The following PPM1L variants were observed in gnomAD, a reference collection of about 807,000 sequenced individuals.
PPM1L encodes protein phosphatase, Mg2+/Mn2+ dependent 1L, also known as protein phosphatase 1L.
Under a neutral mutation model 31.4 loss-of-function variants are expected in PPM1L, and 13 were observed. That is an observed-to-expected ratio of 0.41 (90% CI 0.27 to 0.66). PPM1L has a LOEUF of 0.66. Among genes scored for constraint, PPM1L ranks in the 30% least tolerant of loss-of-function variants. PPM1L has a pLI of 0.29. For missense variants in PPM1L, 326 were observed against 453.7 expected, an observed-to-expected ratio of 0.72 and a Z score of 2.56; for synonymous variants, 184 against 175.4, an observed-to-expected ratio of 1.05 and a Z score of -0.39.
At chr3:161,068,300 T>C (rs1200149338) in intron 3 of PPM1L, among the ~76,000 whole-genome samples, 4 of 152,232 alleles carry the variant, frequency 2.6e-5, no homozygotes, top group African/African-American at 9.6e-5. Context: ...ATTCAAGTAG[T>C]CTGACCTGAG....
At chr3:161,022,248 CAA>C in intron 2 of PPM1L, 2 of 608,716 alleles carry the variant, frequency 3.3e-6, no homozygotes, top group Non-Finnish European at 5.8e-6. Flanking sequence ...CGATTTTAAA[CAA>C]AGACTTTGCT....
At chr3:160,850,106 G>A (rs1714218631) in intron 1 of PPM1L, among the ~76,000 whole-genome samples, 2 of 152,100 alleles carry the variant, frequency 1.3e-5, no homozygotes, top group African/African-American at 2.4e-5. Flanking sequence ...CCTCACCTAC[G>A]GCTATCAATC....
chr3:160,909,514 T>G (rs1279745082), intron 1 of PPM1L, among the ~76,000 whole-genome samples: 2 of 152,180 alleles, frequency 1.3e-5, no homozygotes, highest in African/African-American at 4.8e-5. Flanking sequence ...GGAAATTTTG[T>G]CTAGAGCTCA....
intron 2 of PPM1L, among the ~76,000 whole-genome samples, chr3:161,006,226 T>C (rs1167860061): frequency 6.6e-6 from 1 of 152,216 alleles, no homozygotes; most frequent in Non-Finnish European, 1.5e-5. Flanking sequence ...TTGAGGACAT[T>C]ATGCTGAGTG....
At chr3:160,955,114 G>A (rs989570794) in intron 1 of PPM1L, among the ~76,000 whole-genome samples, 1 of 151,668 alleles carries the variant, frequency 6.6e-6, no homozygotes, top group African/African-American at 2.4e-5. Context: ...GGGTTCAAGC[G>A]ATTCTCCTGC....
intron 2 of PPM1L, among the ~76,000 whole-genome samples, chr3:161,027,165 G>A (rs1291913512): frequency 6.6e-6 from 1 of 152,198 alleles, no homozygotes. Flanking sequence ...CAGCTACTAG[G>A]AAATTCAAGC....
chr3:160,913,492 C>T lies in PPM1L; in HGVS notation c.400-48244C>T, dbSNP rs138420357. Among the ~76,000 whole-genome samples the T allele has an allele frequency of 2.8e-4, 43 of 152,066 alleles. 1 individual carries two copies. Among genetic ancestry groups the T allele is most frequent in the African/African-American group, 9.6e-4 (40 of 41,472 alleles). ...TAAATGTATATAGCTGTATAAATACCACCACTATCAAGATCTAGACTTCAA... is the reference window on the plus strand; with the variant it reads ...TAAATGTATATAGCTGTATAAATACTACCACTATCAAGATCTAGACTTCAA... On this transcript the variant is annotated intron_variant, in intron 1 of 3. Transcript: ENST00000498165.
intron 1 of PPM1L, among the ~76,000 whole-genome samples, chr3:160,784,048 C>T (rs1034058416): frequency 6.6e-6 from 1 of 152,122 alleles, no homozygotes; most frequent in Non-Finnish European, 1.5e-5. Context: ...ATTGCCAGAA[C>T]CTAATAATGG....
intron 2 of PPM1L, among the ~76,000 whole-genome samples, chr3:160,969,116 C>T (rs1716242921): frequency 6.6e-6 from 1 of 152,178 alleles, no homozygotes; most frequent in South Asian, 2.1e-4. Context: ...CAGTCACATA[C>T]AGCTTTCCCA....
At chr3:160,860,802 C>T (rs2108021473) in intron 1 of PPM1L, among the ~76,000 whole-genome samples, 1 of 152,266 alleles carries the variant, frequency 6.6e-6, no homozygotes, top group South Asian at 2.1e-4. Context: ...TTGCAGGTGG[C>T]TGCCTTCCTG....
chr3:160,902,820 C>T (rs1392770003), intron 1 of PPM1L, among the ~76,000 whole-genome samples: 2 of 152,076 alleles, frequency 1.3e-5, no homozygotes, highest in East Asian at 1.9e-4. Context: ...GCCTTTCTAC[C>T]GTGTCCCTTG....
chr3:161,014,774 T>G (rs1175391386), intron 2 of PPM1L, among the ~76,000 whole-genome samples: 2 of 152,138 alleles, frequency 1.3e-5, no homozygotes, highest in African/African-American at 4.8e-5. Context: ...CTGGCCAGGA[T>G]TTTTAAGTGT....
intron 1 of PPM1L, among the ~76,000 whole-genome samples, chr3:160,951,849 C>T (rs1362557664): frequency 6.6e-6 from 1 of 152,116 alleles, no homozygotes; most frequent in South Asian, 2.1e-4. Context: ...AGTGTTATGC[C>T]CTCTGTGGTA....
chr3:160,782,967 G>A (rs1711791631), intron 1 of PPM1L, among the ~76,000 whole-genome samples: 1 of 152,132 alleles, frequency 6.6e-6, no homozygotes, highest in South Asian at 2.1e-4. Flanking sequence ...GCCTTTCAAA[G>A]TGGTGATTGC....
chr3:160,935,474 G>T (rs1057299707), intron 1 of PPM1L, among the ~76,000 whole-genome samples: 3 of 152,172 alleles, frequency 2.0e-5, no homozygotes, highest in Non-Finnish European at 4.4e-5. Context: ...AAAAAGTAGT[G>T]ATCCATCAGA....
chr3:160,984,990 C>T (rs180800585), intron 2 of PPM1L, among the ~76,000 whole-genome samples: 359 of 152,048 alleles, frequency 2.4e-3, no homozygotes, highest in African/African-American at 8.4e-3. Flanking sequence ...CAGGACAGCC[C>T]CCAACAGCAA....
At chr3:161,025,235 G>A (rs1190469137) in intron 2 of PPM1L, among the ~76,000 whole-genome samples, 1 of 151,868 alleles carries the variant, frequency 6.6e-6, no homozygotes, top group Admixed American at 6.6e-5. Context: ...GGCCATGAGA[G>A]CTTCTCCTTC....
chr3:160,876,488 T>C (rs1344734998), intron 1 of PPM1L, among the ~76,000 whole-genome samples: 1 of 152,224 alleles, frequency 6.6e-6, no homozygotes, highest in East Asian at 1.9e-4. Flanking sequence ...AGATAATTTA[T>C]AGTAGAAAAT....
intron 1 of PPM1L, among the ~76,000 whole-genome samples, chr3:160,951,039 T>G (rs1715561791): frequency 6.6e-6 from 1 of 152,270 alleles, no homozygotes; most frequent in Non-Finnish European, 1.5e-5. Context: ...TTCATTTTTC[T>G]TCTATGGATC....
Sources: allele counts gnomAD v4.1 joint callset (sites outside exome capture counted in the v4.1 genomes callset), GRCh38; gene constraint gnomAD v4.1.1; transcripts MANE v1.5; gene names NCBI Gene and HGNC (gene_info 2026-07-23, HGNC 2026-07-21).